The following PGR variants were observed in gnomAD, a reference collection of about 807,000 sequenced individuals.
PGR encodes the protein progesterone receptor.
Under a neutral mutation model 76.1 loss-of-function variants are expected in PGR, and 25 were observed. That is an observed-to-expected ratio of 0.33 (90% confidence interval 0.24 to 0.46). PGR has a LOEUF of 0.46. PGR is among the 20% of genes least tolerant of loss of function. The pLI, the probability that PGR is intolerant of heterozygous loss-of-function variation, is 1.00. For missense variants in PGR, 1,172 were observed against 1,225.3 expected (o/e 0.96, Z 0.65); for synonymous variants, 579 against 535.0 (o/e 1.08, Z -1.14).
intron 2 of PGR, among the ~76,000 whole-genome samples, chr11:101,105,999 G>A (rs989746865): frequency 1.3e-5 from 2 of 152,142 alleles, no homozygotes; most frequent in African/African-American, 2.4e-5. Context: ...TTTAATAAAT[G>A]GTGTTGGGAA....
intron 6 of PGR, among the ~76,000 whole-genome samples, chr11:101,048,634 A>C (rs1859974935): frequency 6.6e-6 from 1 of 152,214 alleles, no homozygotes; most frequent in Non-Finnish European, 1.5e-5. Context: ...AGGGGACTTA[A>C]CATGAATGGA....
chr11:101,128,555 A>G lies in PGR; in HGVS notation c.516T>C (p.Val172=), dbSNP rs1862973813. 3 of 1,599,638 alleles carry G rather than the reference A, an allele frequency of 1.9e-6. No homozygotes were observed. Among genetic ancestry groups the G allele is most frequent in the Non-Finnish European group, 2.6e-6 (3 of 1,176,172 alleles). ...CAGCTGCCGTCCCGGAGCTGTCTCC[A>G]ACCTTGCACCCGGACCGGCTCATGA... is the stretch of plus-strand genomic sequence containing the variant. ...SPLMSRSGCK[V]GDSSGTAAAH... The change falls in exon 1 of 8, where the codon GTT becomes GTC. Residue 172 remains valine, a synonymous_variant. Transcript: ENST00000325455.
intron 3 of PGR, among the ~76,000 whole-genome samples, chr11:101,066,434 C>A (rs1860719178): frequency 6.6e-6 from 1 of 152,172 alleles, no homozygotes; most frequent in Non-Finnish European, 1.5e-5. Context: ...TTTGAGTACA[C>A]CAAGCTCAGT....
chr11:101,088,802 G>C (rs1861580999), intron 3 of PGR, among the ~76,000 whole-genome samples: 1 of 152,168 alleles, frequency 6.6e-6, no homozygotes, highest in African/African-American at 2.4e-5. Flanking sequence ...ATTAATAGTG[G>C]ATTGGACAAA....
chr11:101,090,755 T>C (rs901073769), intron 3 of PGR, among the ~76,000 whole-genome samples: 1 of 152,234 alleles, frequency 6.6e-6, no homozygotes, highest in Non-Finnish European at 1.5e-5. Context: ...TATAAAATTC[T>C]ATAAGTGATC....
At chr11:101,113,694 G>A (rs1451664227) in intron 2 of PGR, among the ~76,000 whole-genome samples, 1 of 152,158 alleles carries the variant, frequency 6.6e-6, no homozygotes, top group Non-Finnish European at 1.5e-5. Context: ...GGGTTGGGAG[G>A]TAGCTGGAGG....
At chr11:101,084,230 G>A (rs562252132) in intron 3 of PGR, among the ~76,000 whole-genome samples, 26 of 152,224 alleles carry the variant, frequency 1.7e-4, no homozygotes, top group South Asian at 1.5e-3. Flanking sequence ...GTTTCCTGAC[G>A]TTGCCTAGCT....
chr11:101,052,323 TG>T (rs1289752943), intron 4 of PGR, among the ~76,000 whole-genome samples: 4 of 135,842 alleles, frequency 2.9e-5, no homozygotes, highest in Non-Finnish European at 6.4e-5. Context: ...GTGTGTGTAT[TG>T]GGGGGTATGG....
intron 2 of PGR, among the ~76,000 whole-genome samples, chr11:101,107,865 TA>T (rs56355097): frequency 0.33 from 38,908 of 119,558 alleles, 6,412 homozygotes; most frequent in Non-Finnish European, 0.39. Context: ...ACTGGCTTTG[TA>T]AAAAAAAAAA....
At position 101,057,163 on chromosome 11, in the gene PGR, A is replaced by G. The variant is rs546890238; in HGVS notation, c.2212+5284T>C. 2.4e-3 allele frequency among the ~76,000 whole-genome samples: 365 copies of G among 152,304 alleles called. 2 individuals are homozygous for G. Among genetic ancestry groups the G allele is most frequent in the Non-Finnish European group, 3.9e-3 (268 of 68,020 alleles). Reference sequence around the variant, plus strand: ...TATGGTTGACAAGCACAAAGGAGACAAGGGAGGGTACAGGGTTTCCTCACC... The same window carrying G: ...TATGGTTGACAAGCACAAAGGAGACGAGGGAGGGTACAGGGTTTCCTCACC... On this transcript the variant is annotated intron_variant, in intron 4 of 7. Transcript: ENST00000325455.
intron 2 of PGR, among the ~76,000 whole-genome samples, chr11:101,101,551 C>T (rs1463908554): frequency 6.6e-6 from 1 of 152,102 alleles, no homozygotes; most frequent in Admixed American, 6.5e-5. Flanking sequence ...GAAATGGCCA[C>T]CACTTGTCAA....
chr11:101,088,417 C>T (rs920405303), intron 3 of PGR, among the ~76,000 whole-genome samples: 26 of 152,086 alleles, frequency 1.7e-4, no homozygotes, highest in African/African-American at 4.6e-4. Flanking sequence ...CTGCAAGCTC[C>T]GCCTCCCAGG....
intron 2 of PGR, among the ~76,000 whole-genome samples, chr11:101,107,742 T>A (rs556710976): frequency 7.2e-5 from 11 of 152,088 alleles, no homozygotes; most frequent in Middle Eastern, 3.4e-3. Context: ...ATTACAGAAA[T>A]CCTAAGTTTA....
Position 101,127,419 on chromosome 11 carries a change from G to A in PGR, c.1637+15C>T, listed in dbSNP as rs1235983614. On this transcript the variant is annotated intron_variant, in intron 1 of 7. Transcript: ENST00000325455. The stretch of plus-strand genomic sequence containing the variant: ...CTCCCGGACGCGCTGGGCGTGCCCC[G>A]TCCCGGGCCCTCACCTCAGGTAGTT... 2.6e-6 allele frequency: 4 copies of A among 1,527,996 alleles called. No individual in the cohort carries two copies. Among genetic ancestry groups the A allele is most frequent in the Non-Finnish European group, 3.5e-6 (4 of 1,137,064 alleles). 94.7% of individuals were successfully genotyped at this position (1,527,996 alleles called of 1,614,324 possible).
intron 3 of PGR, among the ~76,000 whole-genome samples, chr11:101,068,393 C>T (rs1202354732): frequency 6.6e-6 from 1 of 152,048 alleles, no homozygotes. Flanking sequence ...GAAAAACATT[C>T]CATATTCATA....
intron 3 of PGR, among the ~76,000 whole-genome samples, chr11:101,084,487 A>T (rs1429821041): frequency 1.3e-5 from 2 of 152,024 alleles, no homozygotes; most frequent in African/African-American, 4.8e-5. Flanking sequence ...GTAAAACCCC[A>T]TCTCTACTAA....
Position 101,129,692 on chromosome 11 carries a change from G to T in PGR, c.-622C>A, listed in dbSNP as rs1360933808. The T allele has an allele frequency of 2.8e-5, 5 of 181,086 alleles. No homozygotes were observed. Among genetic ancestry groups the T allele is most frequent in the Non-Finnish European group, 5.9e-5 (5 of 84,882 alleles). 11.2% of individuals were successfully genotyped at this position (181,086 alleles called of 1,614,324 possible). A position where few individuals can be genotyped will look rare whatever the true frequency, so the allele number is the denominator to read the frequency against. ...GATCTCAGATCCCAGTAGTGCGGGA[G>T]CACTAGCCGCCTCGGGTTGTAGATT... On this transcript the variant is annotated 5_prime_UTR_variant, in exon 1 of 8. Transcript: ENST00000325455.
At chr11:101,063,525 G>C (rs893639842) in intron 3 of PGR, 1 of 152,200 alleles carries the variant, frequency 6.6e-6, no homozygotes. Flanking sequence ...AGGAGAAAAG[G>C]ATGCTTATTT....
chr11:101,112,210 A>C (rs1862365260), intron 2 of PGR, among the ~76,000 whole-genome samples: 2 of 152,194 alleles, frequency 1.3e-5, no homozygotes, highest in South Asian at 4.1e-4. Flanking sequence ...GTGTTAGAAG[A>C]GTTTTGCTGT....
Sources: allele counts gnomAD v4.1 joint callset (sites outside exome capture counted in the v4.1 genomes callset), GRCh38; gene constraint gnomAD v4.1.1; transcripts MANE v1.5; gene names NCBI Gene and HGNC (gene_info 2026-07-23, HGNC 2026-07-21).